ERC2: variants seen among roughly 807,000 people sequenced by gnomAD.
ERC2 encodes ELKS/RAB6-interacting/CAST family member 2.
In ERC2, 42 loss-of-function variants were observed where a neutral mutation model predicts 114.8. That is an observed-to-expected ratio of 0.37 (90% CI 0.29 to 0.47). The LOEUF (loss-of-function observed/expected upper bound fraction) is 0.47. Ranked by LOEUF, ERC2 falls within the 20% of genes least tolerant of loss-of-function variation. ERC2 has a pLI of 0.99. For synonymous variants in ERC2, 454 were observed against 425.5 expected, an observed-to-expected ratio of 1.07 and a Z score of -0.82; for missense variants, 939 against 1,150.7, an observed-to-expected ratio of 0.82 and a Z score of 2.66.
intron 14 of ERC2, among the ~76,000 whole-genome samples, chr3:55,784,638 C>A (rs1436174363): frequency 1.3e-5 from 2 of 152,156 alleles, no homozygotes; most frequent in Non-Finnish European, 2.9e-5. Context: ...GTTTTGTCAT[C>A]TACTAATCCC....
At chr3:56,405,878 CTT>C (rs1206466252) in intron 2 of ERC2, among the ~76,000 whole-genome samples, 1 of 116,846 alleles carries the variant, frequency 8.6e-6, no homozygotes, top group Non-Finnish European at 1.7e-5. Flanking sequence ...AGGATATGAA[CTT>C]TTTTTTCTTT....
chr3:55,778,870 C>T (rs1308006950), intron 14 of ERC2, among the ~76,000 whole-genome samples: 1 of 151,662 alleles, frequency 6.6e-6, no homozygotes, highest in African/African-American at 2.4e-5. Flanking sequence ...AAAGTTTAAT[C>T]AAGGAGAAAA....
chr3:55,619,337 G>A (rs945940698), intron 17 of ERC2, among the ~76,000 whole-genome samples: 1 of 152,176 alleles, frequency 6.6e-6, no homozygotes, highest in East Asian at 1.9e-4. Flanking sequence ...GCTAGGTTGC[G>A]TTACGCTCAA....
intron 16 of ERC2, among the ~76,000 whole-genome samples, chr3:55,696,590 G>A (rs2062943252): frequency 6.6e-6 from 1 of 152,154 alleles, no homozygotes; most frequent in South Asian, 2.1e-4. Context: ...AGTGTATGTG[G>A]TCTACACAAT....
intron 14 of ERC2, among the ~76,000 whole-genome samples, chr3:55,836,842 C>T (rs1475761896): frequency 4.1e-4 from 62 of 152,180 alleles, no homozygotes; most frequent in Non-Finnish European, 1.5e-5. Context: ...AGAAAATTTT[C>T]CCAACCTACT....
At chr3:55,596,559 T>C (rs772275393) in intron 17 of ERC2, among the ~76,000 whole-genome samples, 2 of 152,196 alleles carry the variant, frequency 1.3e-5, no homozygotes, top group African/African-American at 4.8e-5. Flanking sequence ...GCCAGGGTTA[T>C]TGAGCAAGAT....
intron 6 of ERC2, among the ~76,000 whole-genome samples, chr3:56,089,979 C>A (rs1286989366): frequency 3.9e-5 from 6 of 152,104 alleles, no homozygotes; most frequent in Non-Finnish European, 7.3e-5. Flanking sequence ...AGGAGTACTG[C>A]CTTCTTCCCT....
At chr3:56,377,236 A>T (rs1471542291) in intron 2 of ERC2, among the ~76,000 whole-genome samples, 1 of 152,226 alleles carries the variant, frequency 6.6e-6, no homozygotes, top group African/African-American at 2.4e-5. Context: ...AAAAGACCAG[A>T]AAGGAACACA....
intron 2 of ERC2, among the ~76,000 whole-genome samples, chr3:56,309,088 C>T (rs757651065): frequency 5.9e-5 from 9 of 152,212 alleles, no homozygotes; most frequent in Admixed American, 4.6e-4. Flanking sequence ...AAACATGTGG[C>T]CCCAGTGTGT....
chr3:56,383,204 C>T (rs1232958197), intron 2 of ERC2, among the ~76,000 whole-genome samples: 1 of 152,074 alleles, frequency 6.6e-6, no homozygotes, highest in East Asian at 1.9e-4. Context: ...CATTACCTTC[C>T]CATGCTTATT....
chr3:55,583,346 C>T (rs1289798658), intron 17 of ERC2, among the ~76,000 whole-genome samples: 4 of 145,448 alleles, frequency 2.8e-5, no homozygotes, highest in Admixed American at 6.7e-5. Context: ...TGCCTGTCTG[C>T]CTGCCTGCCT....
At chr3:56,330,274 A>G (rs569258293) in intron 2 of ERC2, among the ~76,000 whole-genome samples, 1 of 152,294 alleles carries the variant, frequency 6.6e-6, no homozygotes. Flanking sequence ...CCTGGGCTCA[A>G]GTGATCCACC....
intron 3 of ERC2, among the ~76,000 whole-genome samples, chr3:56,220,267 T>G (rs2049813444): frequency 6.6e-6 from 1 of 152,192 alleles, no homozygotes; most frequent in Non-Finnish European, 1.5e-5. Context: ...CGTCATGCCA[T>G]TCTGCATTTC....
At chr3:55,829,767 C>T (rs966258907) in intron 14 of ERC2, among the ~76,000 whole-genome samples, 1 of 152,178 alleles carries the variant, frequency 6.6e-6, no homozygotes, top group Non-Finnish European at 1.5e-5. Flanking sequence ...TCAAGTGATC[C>T]TCCTGCCTCA....
chr3:55,629,871 GAGA>G (rs1472401968), intron 17 of ERC2, among the ~76,000 whole-genome samples: 2 of 152,230 alleles, frequency 1.3e-5, no homozygotes, highest in African/African-American at 4.8e-5. Context: ...CCCACATGAT[GAGA>G]AGGAGCCAGC....
At chr3:55,978,534 A>G (rs939378606) in intron 12 of ERC2, among the ~76,000 whole-genome samples, 2 of 151,916 alleles carry the variant, frequency 1.3e-5, no homozygotes, top group Non-Finnish European at 1.5e-5. Context: ...TCAACTCCCT[A>G]CTCTCACCTG....
intron 13 of ERC2, among the ~76,000 whole-genome samples, chr3:55,890,387 GTTCT>G (rs1292363543): frequency 2.0e-5 from 3 of 152,070 alleles, no homozygotes; most frequent in African/African-American, 7.2e-5. Context: ...GTCATAAATC[GTTCT>G]TTATTTCAAA....
intron 2 of ERC2, among the ~76,000 whole-genome samples, chr3:56,340,947 C>G (rs947356448): frequency 2.6e-5 from 4 of 152,102 alleles, no homozygotes; most frequent in African/African-American, 7.2e-5. Context: ...AAAAAAGTAT[C>G]TAAGTCCTAA....
intron 2 of ERC2, among the ~76,000 whole-genome samples, chr3:56,379,892 G>C (rs1340820769): frequency 6.6e-6 from 1 of 152,122 alleles, no homozygotes; most frequent in Non-Finnish European, 1.5e-5. Context: ...ATGATGATAA[G>C]AACTAACATA....
Sources: allele counts gnomAD v4.1 joint callset (sites outside exome capture counted in the v4.1 genomes callset), GRCh38; gene constraint gnomAD v4.1.1; transcripts MANE v1.5; gene names NCBI Gene and HGNC (gene_info 2026-07-23, HGNC 2026-07-21).